Variants in CADPS observed in about 807,000 individuals in gnomAD.
CADPS encodes calcium dependent secretion activator, also known as calcium-dependent secretion activator 1.
Under a neutral mutation model 167.3 loss-of-function variants are expected in CADPS, and 57 were observed. The ratio of observed to expected loss-of-function variants is 0.34; its 90% CI spans 0.28 to 0.42. The LOEUF (loss-of-function observed/expected upper bound fraction) is 0.42. Among genes scored for constraint, CADPS ranks in the 20% least tolerant of loss-of-function variants. CADPS has a pLI of 1.00. For synonymous variants in CADPS, 676 were observed against 635.3 expected, an observed-to-expected ratio of 1.06 and a Z score of -0.96; for missense variants, 1,414 against 1,738.1, an observed-to-expected ratio of 0.81 and a Z score of 3.32.
At chr3:62,589,973 T>G (rs940951223) in intron 7 of CADPS, among the ~76,000 whole-genome samples, 5 of 151,996 alleles carry the variant, frequency 3.3e-5, no homozygotes, top group Non-Finnish European at 7.4e-5. Flanking sequence ...GCGGATCACT[T>G]CAGGTTAGCA....
Position 62,455,678 on chromosome 3 carries a change from G to A in CADPS, c.3636+9689C>T, listed in dbSNP as rs1396073231. Among the ~76,000 whole-genome samples the A allele has an allele frequency of 6.6e-6, 1 of 152,172 alleles. No individual in the cohort carries two copies. Among genetic ancestry groups the A allele is most frequent in the Non-Finnish European group, 1.5e-5 (1 of 68,026 alleles). On this transcript the variant is annotated intron_variant, in intron 26 of 29. Coordinates refer to ENST00000383710, the MANE Select transcript of CADPS (RefSeq NM_003716.4). The surrounding 1 kb of genome is among the most constrained non-coding windows in gnomAD (Gnocchi z 4.4). ...AAGTGGGGGCCCCTGCCCCCTTCTG[G>A]CATTTTTGTGTTTTGTTTGCCTTTT...
intron 3 of CADPS, among the ~76,000 whole-genome samples, chr3:62,700,699 C>T (rs181306109): frequency 1.6e-3 from 247 of 152,110 alleles, no homozygotes; most frequent in African/African-American, 5.5e-3. Flanking sequence ...ATTGTCACAG[C>T]GACTCTATGA....
intron 13 of CADPS, among the ~76,000 whole-genome samples, chr3:62,519,787 A>T (rs1050455264): frequency 6.7e-6 from 1 of 149,342 alleles, no homozygotes; most frequent in East Asian, 1.9e-4. Flanking sequence ...GCTTAACAAA[A>T]ACAAATTTTT....
chr3:62,853,575 G>A (rs555782469), intron 1 of CADPS, among the ~76,000 whole-genome samples: 5 of 148,152 alleles, frequency 3.4e-5, no homozygotes, highest in Non-Finnish European at 7.4e-5. Flanking sequence ...CAGTGAGCCC[G>A]CATCGTGTCA....
At chr3:62,634,048 A>T (rs2065799246) in intron 6 of CADPS, among the ~76,000 whole-genome samples, 1 of 152,196 alleles carries the variant, frequency 6.6e-6, no homozygotes, top group Non-Finnish European at 1.5e-5. Flanking sequence ...CTCTTTCAGT[A>T]TGGCCAATCG....
chr3:62,721,263 C>T (rs1223578945), intron 3 of CADPS, among the ~76,000 whole-genome samples: 1 of 151,964 alleles, frequency 6.6e-6, no homozygotes, highest in Non-Finnish European at 1.5e-5. Context: ...CATTCTCCCA[C>T]AAGAGATTTT....
intron 6 of CADPS, among the ~76,000 whole-genome samples, chr3:62,596,340 T>G (rs2058938440): frequency 6.6e-6 from 1 of 151,704 alleles, no homozygotes. Context: ...GGATTACAGG[T>G]GCCCGCCACC....
intron 3 of CADPS, among the ~76,000 whole-genome samples, chr3:62,741,820 G>C (rs1038924320): frequency 1.3e-5 from 2 of 152,182 alleles, no homozygotes; most frequent in African/African-American, 4.8e-5. Context: ...AATAGGAAGA[G>C]AGGAAGTCAA....
chr3:62,420,537 G>C lies in CADPS; in HGVS notation c.3778-17352C>G, dbSNP rs2051075477. Among the ~76,000 whole-genome samples the C allele has an allele frequency of 6.6e-6, 1 of 152,132 alleles. No individual in the cohort carries two copies. The highest frequency in any genetic ancestry group is 1.5e-5 in the Non-Finnish European group (1 of 68,018). ...GGAGGAGGGAAGATGGCAGCAGATT[G>C]GGGAGAGCATGGCAGGCAGCACAGG... On this transcript the variant is annotated intron_variant, in intron 28 of 29. Coordinates refer to ENST00000383710, the MANE Select transcript of CADPS (RefSeq NM_003716.4). This position sits in a 1 kb window ranked among gnomAD's most constrained non-coding sequence, Gnocchi z 4.1.
rs146468992 is a variant in CADPS, at chr3:62,573,162, G to A, written c.1578-2224C>T. Among the ~76,000 whole-genome samples, 929 of 152,280 alleles carry A rather than the reference G, an allele frequency of 6.1e-3. 11 individuals are homozygous for A. The highest frequency in any genetic ancestry group is 0.021 in the African/African-American group (866 of 41,554). ...CTCCCAAAGTGCTGGGCTTACAGGC[G>A]TGAGGTACCTCGCCTGGCCCCTCCC... On this transcript the variant is annotated intron_variant, in intron 8 of 29. Coordinates refer to ENST00000383710, the MANE Select transcript of CADPS (RefSeq NM_003716.4).
At chr3:62,801,749 C>T (rs73108361) in intron 1 of CADPS, among the ~76,000 whole-genome samples, 17,030 of 151,698 alleles carry the variant, frequency 0.11, 1,011 homozygotes, top group Non-Finnish European at 0.12. Context: ...CCCCGTTTTA[C>T]GGATTAAAAA....
rs60945358 is a variant in CADPS at position 62,654,162 on chromosome 3, G to A, written c.970-3082C>T. Among the ~76,000 whole-genome samples the A allele has an allele frequency of 1.5e-4, 23 of 152,252 alleles. 3 individuals carry two copies. The highest frequency in any genetic ancestry group is 5.3e-4 in the African/African-American group (22 of 41,550). On this transcript the variant is annotated intron_variant, in intron 4 of 29. Coordinates refer to ENST00000383710, the MANE Select transcript of CADPS (RefSeq NM_003716.4). ...CTTTTATGAAAAACCGTCAAGATGC[G>A]AGGACTTGGCTGCTGGGTCCCCATC... is the stretch of plus-strand genomic sequence containing the variant.
intron 6 of CADPS, among the ~76,000 whole-genome samples, chr3:62,633,978 C>T (rs764192319): frequency 3.2e-4 from 48 of 152,140 alleles, no homozygotes; most frequent in African/African-American, 8.0e-4. Context: ...TTAGGACAGA[C>T]GGCAAATGGA....
intron 28 of CADPS, among the ~76,000 whole-genome samples, chr3:62,432,677 T>C (rs564294214): frequency 6.6e-6 from 1 of 152,168 alleles, no homozygotes; most frequent in African/African-American, 2.4e-5. Context: ...ATGCTGCAGA[T>C]TCATATGGCA....
chr3:62,718,700 T>C (rs921734345), intron 3 of CADPS, among the ~76,000 whole-genome samples: 3 of 152,226 alleles, frequency 2.0e-5, no homozygotes, highest in African/African-American at 7.2e-5. Context: ...ATTCTAATCC[T>C]ACATTTCTGA....
At chr3:62,603,016 C>T (rs754315622) in intron 6 of CADPS, among the ~76,000 whole-genome samples, 16 of 152,084 alleles carry the variant, frequency 1.1e-4, no homozygotes, top group Non-Finnish European at 2.2e-4. Flanking sequence ...AGGAAGCAGG[C>T]GGGGGCAATA....
rs1415709140 is a variant in CADPS at position 62,687,995 on chromosome 3, A to G, written c.889-25601T>C. 3.3e-5 allele frequency among the ~76,000 whole-genome samples: 5 copies of G among 152,072 alleles called. No homozygotes were observed. In the East Asian group the frequency reaches 9.7e-4, roughly 29 times the overall value. Reference sequence around the variant, plus strand: ...AATCCCTTTCATCATTTATTCAACAAGTATTTATTGAGCATGTGCTTTGCT... The same window carrying G: ...AATCCCTTTCATCATTTATTCAACAGGTATTTATTGAGCATGTGCTTTGCT... On this transcript the variant is annotated intron_variant, in intron 3 of 29. Transcript: ENST00000383710.
intron 3 of CADPS, among the ~76,000 whole-genome samples, chr3:62,740,815 T>C (rs1299271269): frequency 1.3e-5 from 2 of 152,236 alleles, no homozygotes; most frequent in African/African-American, 2.4e-5. Context: ...TGATAGTTAT[T>C]AATATCTGTT....
At position 62,557,486 on chromosome 3, in the gene CADPS, T is replaced by C. The variant is rs1328677012; in HGVS notation, c.1672A>G (p.Ser558Gly). Residue 558 changes from serine to glycine, a missense_variant, in exon 10 of 30, where the codon AGT becomes GGT. By Grantham distance (56) the Ser-to-Gly change is moderately conservative (BLOSUM62 0). This residue lies in a region of CADPS where 157 missense variants were observed against 229.4 expected (regional missense o/e 0.68). Transcript: ENST00000383710. ...QVSQYTFAMC[S>G]YREKKAEPQE... is the part of the protein sequence containing the mutation. Reference sequence around the variant, plus strand: ...GGCTCCGCTTTCTTCTCCCGATAACTGCACATGGCAAACGTGTACTGACTG... The same window carrying C: ...GGCTCCGCTTTCTTCTCCCGATAACCGCACATGGCAAACGTGTACTGACTG... 6.2e-7 allele frequency: 1 copy of C among 1,613,976 alleles called. No homozygotes were observed. The highest frequency in any genetic ancestry group is 8.5e-7 in the Non-Finnish European group (1 of 1,179,876).
Sources: gnomAD v4.1 joint callset for allele counts (sites outside exome capture counted in the v4.1 genomes callset) on GRCh38, gnomAD v4.1.1 for gene constraint, gnomAD v4.1.1 regional missense constraint, Gnocchi (gnomAD v3.1) non-coding constraint, MANE v1.5 for transcripts, NCBI Gene and HGNC (gene_info 2026-07-23, HGNC 2026-07-21) for gene names.